The following RALGAPA2 variants were observed in gnomAD, a reference collection of about 807,000 sequenced individuals.
The protein encoded by RALGAPA2 is ral GTPase-activating protein subunit alpha-2.
RALGAPA2 carries 139 observed loss-of-function variants against 230.4 expected under a neutral mutation model. The ratio of observed to expected loss-of-function variants is 0.60; its 90% CI spans 0.53 to 0.69. RALGAPA2 has a LOEUF of 0.69. RALGAPA2 is among the 30% of genes least tolerant of loss of function. The probability of loss-of-function intolerance (pLI) is 0.00; values close to 1 mark genes in which losing one functional copy is unlikely to be tolerated. For missense variants in RALGAPA2, 2,163 were observed against 2,276.0 expected, an observed-to-expected ratio of 0.95 and a Z score of 1.01; for synonymous variants, 847 against 837.8, an observed-to-expected ratio of 1.01 and a Z score of -0.19.
At chr20:20,637,930 T>G (rs1026423523) in intron 7 of RALGAPA2, among the ~76,000 whole-genome samples, 7 of 152,206 alleles carry the variant, frequency 4.6e-5, no homozygotes, top group African/African-American at 1.7e-4. Flanking sequence ...TCTCAAGAAT[T>G]TCAACCAATG....
Position 20,585,758 on chromosome 20 carries a change from G to A in RALGAPA2, c.2440-803C>T, listed in dbSNP as rs143023825. 2.4e-3 allele frequency among the ~76,000 whole-genome samples: 365 copies of A among 152,192 alleles called. 1 individual carries two copies. Among genetic ancestry groups the A allele is most frequent in the African/African-American group, 8.2e-3 (342 of 41,528 alleles). ...GATGCTGGTTATACCAGGCCATGCA[G>A]GGCACCCAGGTGAAGAAGGACAAAA... On this transcript the variant is annotated intron_variant, in intron 18 of 39. Coordinates refer to ENST00000202677, the MANE Select transcript of RALGAPA2 (RefSeq NM_020343.4).
rs1431747041 is a variant in RALGAPA2 at position 20,511,335 on chromosome 20, A to T, written c.4857-10T>A. 6 of 1,542,234 alleles carry T rather than the reference A, an allele frequency of 3.9e-6. No homozygotes were observed. Among genetic ancestry groups the T allele is most frequent in the Non-Finnish European group, 5.2e-6 (6 of 1,145,688 alleles). On this transcript the variant is annotated splice_polypyrimidine_tract_variant and intron_variant, in intron 32 of 39. Coordinates refer to ENST00000202677, the MANE Select transcript of RALGAPA2 (RefSeq NM_020343.4). ...TAGATGAAAATTCTTCCTATAAAGAAAAAAGGATGGAAGAAAAACCATGTG... is the reference window on the plus strand; with the variant it reads ...TAGATGAAAATTCTTCCTATAAAGATAAAAGGATGGAAGAAAAACCATGTG...
chr20:20,507,601 C>G (rs1054951407), intron 33 of RALGAPA2, among the ~76,000 whole-genome samples: 3 of 152,200 alleles, frequency 2.0e-5, no homozygotes, highest in Non-Finnish European at 4.4e-5. Context: ...AGGTGATCCA[C>G]CTGCCTTGGC....
chr20:20,465,149 T>TCACACACACACACA (rs74180992), intron 37 of RALGAPA2, among the ~76,000 whole-genome samples: 5,202 of 109,106 alleles, frequency 0.048, 250 homozygotes, highest in African/African-American at 0.079. Flanking sequence ...CCGCAGGCCT[T>TCACACACACACACA]CACACACACA....
At chr20:20,509,204 C>G (rs1286615584) in intron 33 of RALGAPA2, among the ~76,000 whole-genome samples, 1 of 152,130 alleles carries the variant, frequency 6.6e-6, no homozygotes, top group East Asian at 1.9e-4. Flanking sequence ...CTATGTTCCT[C>G]TAGAGAAAAG....
chr20:20,472,837 G>A lies in RALGAPA2; in HGVS notation c.5487C>T (p.Tyr1829=), dbSNP rs760827785. The A allele has an allele frequency of 1.2e-6, 2 of 1,612,602 alleles. No individual in the cohort carries two copies. Among genetic ancestry groups the A allele is most frequent in the Admixed American group, 3.4e-5 (2 of 59,672 alleles). The part of the protein sequence containing the change: ...SRAVKCLIPL[Y]QSFYEERALY... ...TTAAAGCAAAAAGATACAAGCTCTGGTAGAGTGGGATGAGGCACTTCACAG... is the reference window on the plus strand; with the variant it reads ...TTAAAGCAAAAAGATACAAGCTCTGATAGAGTGGGATGAGGCACTTCACAG... Residue 1829 remains tyrosine, a synonymous_variant, in exon 37 of 40, where the codon TAC becomes TAT. Transcript: ENST00000202677.
At chr20:20,540,411 T>C (rs911593374) in intron 24 of RALGAPA2, among the ~76,000 whole-genome samples, 1 of 152,212 alleles carries the variant, frequency 6.6e-6, no homozygotes, top group African/African-American at 2.4e-5. Context: ...GTATATAACA[T>C]TACATAACAT....
chr20:20,452,431 C>CAT (rs2061007867), intron 37 of RALGAPA2, among the ~76,000 whole-genome samples: 1 of 152,198 alleles, frequency 6.6e-6, no homozygotes, highest in African/African-American at 2.4e-5. Context: ...ATCCAGACAC[C>CAT]ATATGCCATG....
intron 12 of RALGAPA2, among the ~76,000 whole-genome samples, chr20:20,617,829 CAAAGT>C (rs1416974333): frequency 1.3e-5 from 2 of 152,008 alleles, no homozygotes; most frequent in Non-Finnish European, 2.9e-5. Context: ...TCTTAATAAA[CAAAGT>C]AAAGGACTAA....
chr20:20,462,872 A>G (rs1029215497), intron 37 of RALGAPA2, among the ~76,000 whole-genome samples: 9 of 152,312 alleles, frequency 5.9e-5, no homozygotes, highest in African/African-American at 1.7e-4. Context: ...GATTTGAATA[A>G]CAGAAAGTCT....
chr20:20,573,730 A>G (rs1176481874), intron 20 of RALGAPA2, among the ~76,000 whole-genome samples: 2 of 152,196 alleles, frequency 1.3e-5, no homozygotes, highest in Non-Finnish European at 2.9e-5. Context: ...TCTTTCACTC[A>G]GCAAAATGCA....
At chr20:20,567,669 T>C (rs1202244203) in intron 23 of RALGAPA2, among the ~76,000 whole-genome samples, 2 of 152,012 alleles carry the variant, frequency 1.3e-5, no homozygotes, top group Non-Finnish European at 2.9e-5. Context: ...AAGTTTTAGA[T>C]ATTTTTTTGA....
rs931943218 is a variant in RALGAPA2, at chr20:20,391,113, C to T, written c.*2176G>A. On this transcript the variant is annotated 3_prime_UTR_variant, in exon 40 of 40. Transcript: ENST00000202677. ...TTCTAGAGCCTGAAGATGAAACGTT[C>T]TCCCAGAGGCGACCTGCTGGTAGAG... 3 of 152,204 alleles carry T rather than the reference C, an allele frequency of 2.0e-5. No individual in the cohort carries two copies. The highest frequency in any genetic ancestry group is 4.4e-5 in the Non-Finnish European group (3 of 68,036). The allele number at this position is 152,204 out of a possible 1,614,324, so 9.4% of individuals were successfully genotyped here.
Position 20,712,612 on chromosome 20 carries a change from C to CT in RALGAPA2, c.-133_-132insA. The CT allele has an allele frequency of 8.5e-7, 1 of 1,181,518 alleles. No homozygotes were observed. The highest frequency in any genetic ancestry group is 1.6e-5 in the African/African-American group (1 of 61,596). The allele number at this position is 1,181,518 out of a possible 1,614,324, so 73.2% of individuals were successfully genotyped here. On this transcript the variant is annotated 5_prime_UTR_variant, in exon 1 of 40. Transcript: ENST00000202677. The surrounding 1 kb of genome is among the most constrained non-coding windows in gnomAD (Gnocchi z 5.5). ...CCCCCAGCCCCGCTGCTGCCGCCGC[C>CT]GCCGCCGCCGCCGCCGCCTCAGCTG...
chr20:20,400,559 T>A (rs1285713432), intron 38 of RALGAPA2, among the ~76,000 whole-genome samples: 5 of 152,176 alleles, frequency 3.3e-5, no homozygotes, highest in Admixed American at 3.3e-4. Context: ...AATTATAAAT[T>A]TAAAATTAAT....
At position 20,625,901 on chromosome 20, in the gene RALGAPA2, T is replaced by C. The variant is rs189772316; in HGVS notation, c.1233+3462A>G. 3.2e-3 allele frequency among the ~76,000 whole-genome samples: 490 copies of C among 152,284 alleles called. 13 individuals carry two copies. The highest frequency in any genetic ancestry group is 0.026 in the Admixed American group (402 of 15,300). ...TACCCTGAGCCTTGTCCTACTTCAG[T>C]TACTGTCTATTTCCACCACCCACAT... On this transcript the variant is annotated intron_variant, in intron 10 of 39. Transcript: ENST00000202677.
intron 37 of RALGAPA2, among the ~76,000 whole-genome samples, chr20:20,455,752 C>T (rs2061100827): frequency 6.6e-6 from 1 of 152,100 alleles, no homozygotes; most frequent in African/African-American, 2.4e-5. Context: ...TAAAGCAAAA[C>T]ATTAAAAAAA....
chr20:20,426,284 C>T (rs2060380751), intron 37 of RALGAPA2, among the ~76,000 whole-genome samples: 1 of 152,142 alleles, frequency 6.6e-6, no homozygotes, highest in South Asian at 2.1e-4. Flanking sequence ...TTTATGTTTG[C>T]TGTCAAGATT....
chr20:20,700,624 G>A (rs1014283894), intron 1 of RALGAPA2, among the ~76,000 whole-genome samples: 6 of 152,144 alleles, frequency 3.9e-5, no homozygotes, highest in African/African-American at 1.4e-4. Context: ...GCCTAAGCCT[G>A]CCCTTGCCAA....
Sources: gnomAD v4.1 joint callset for allele counts (sites outside exome capture counted in the v4.1 genomes callset) on GRCh38, gnomAD v4.1.1 for gene constraint, Gnocchi (gnomAD v3.1) non-coding constraint, MANE v1.5 for transcripts, NCBI Gene and HGNC (gene_info 2026-07-23, HGNC 2026-07-21) for gene names.